Variants in AZIN1 observed in about 807,000 individuals in gnomAD.
AZIN1 encodes antizyme inhibitor 1, also known as ornithine decarboxylase antizyme inhibitor.
In AZIN1, 12 loss-of-function variants were observed where a neutral mutation model predicts 47.4. The observed-to-expected ratio is 0.25, with a 90% CI of 0.16 to 0.41. The LOEUF (loss-of-function observed/expected upper bound fraction) is 0.41, where lower values mean the gene tolerates loss of function less well. Ranked by LOEUF, AZIN1 falls within the 10% of genes least tolerant of loss-of-function variation. The probability of loss-of-function intolerance (pLI) is 1.00; values close to 1 mark genes in which losing one functional copy is unlikely to be tolerated. For missense variants in AZIN1, 410 were observed against 532.4 expected, an observed-to-expected ratio of 0.77 and a Z score of 2.26; for synonymous variants, 155 against 176.3, an observed-to-expected ratio of 0.88 and a Z score of 0.96.
At position 102,827,288 on chromosome 8, in the gene AZIN1, T is replaced by C. The variant is rs1811167434; in HGVS notation, c.*1279A>G. 6.6e-6 allele frequency: 1 copy of C among 152,268 alleles called. No individual in the cohort carries two copies. Among genetic ancestry groups the C allele is most frequent in the African/African-American group, 2.4e-5 (1 of 41,434 alleles). The allele number at this position is 152,268 out of a possible 1,614,324, so 9.4% of individuals were successfully genotyped here. A position where few individuals can be genotyped will look rare whatever the true frequency, so the allele number is the denominator to read the frequency against. On this transcript the variant is annotated 3_prime_UTR_variant, in exon 12 of 12. Transcript: ENST00000337198. Reference sequence around the variant, plus strand: ...ACTAGCAGTAAACAAAGCAAATTCCTGGCAACAACTGTCAGGTTAGTGATG... The same window carrying C: ...ACTAGCAGTAAACAAAGCAAATTCCCGGCAACAACTGTCAGGTTAGTGATG...
chr8:102,846,264 C>T (rs1812563108), intron 2 of AZIN1, among the ~76,000 whole-genome samples: 1 of 152,184 alleles, frequency 6.6e-6, no homozygotes, highest in African/African-American at 2.4e-5. Context: ...ATCAGGCCCA[C>T]TGGATCAAGT....
intron 2 of AZIN1, chr8:102,854,567 A>G (rs1277306012): frequency 1.4e-5 from 2 of 145,850 alleles, no homozygotes; most frequent in East Asian, 4.1e-4. Context: ...ACTGCACTCC[A>G]GCCTGGGCGA....
chr8:102,844,650 T>A (rs930296579), intron 2 of AZIN1, among the ~76,000 whole-genome samples: 49 of 148,284 alleles, frequency 3.3e-4, no homozygotes, highest in Non-Finnish European at 5.1e-4. Flanking sequence ...AAAAAAAAAA[T>A]CATAGAGCAT....
intron 9 of AZIN1, among the ~76,000 whole-genome samples, chr8:102,832,295 T>C (rs969918803): frequency 6.6e-6 from 1 of 152,054 alleles, no homozygotes; most frequent in Admixed American, 6.6e-5. Flanking sequence ...AACTTTCCTA[T>C]GGGCTGTGGA....
At position 102,856,418 on chromosome 8, in the gene AZIN1, C is replaced by A. The variant is rs141248061; in HGVS notation, c.-96+1595G>T. ...CCTCCTACCCACAAAGAGGGAGACACTATAGACTTTCTGAATCCTACATTA... is the reference window on the plus strand; with the variant it reads ...CCTCCTACCCACAAAGAGGGAGACAATATAGACTTTCTGAATCCTACATTA... On this transcript the variant is annotated intron_variant, in intron 2 of 11. Coordinates refer to ENST00000337198, the MANE Select transcript of AZIN1 (RefSeq NM_148174.4). 1.7e-3 allele frequency among the ~76,000 whole-genome samples: 252 copies of A among 152,304 alleles called. 1 individual carries two copies. Among genetic ancestry groups the A allele is most frequent in the African/African-American group, 5.8e-3 (242 of 41,586 alleles).
At chr8:102,852,940 G>A (rs546120403) in intron 2 of AZIN1, among the ~76,000 whole-genome samples, 10 of 152,202 alleles carry the variant, frequency 6.6e-5, no homozygotes, top group Non-Finnish European at 1.3e-4. Flanking sequence ...ACAATGGCCA[G>A]TTTAGAACAG....
chr8:102,836,880 A>G (rs1422592890), intron 5 of AZIN1, among the ~76,000 whole-genome samples: 1 of 152,222 alleles, frequency 6.6e-6, no homozygotes, highest in Non-Finnish European at 1.5e-5. Context: ...CTAACTGGAA[A>G]AAAATAGGAA....
chr8:102,838,680 C>T (rs1388707595), intron 5 of AZIN1, 64 bp downstream of exon 5: 4 of 1,387,406 alleles, frequency 2.9e-6, no homozygotes, highest in African/African-American at 2.9e-5. Context: ...TCTTCCCAGA[C>T]AAAAGACAAA....
intron 6 of AZIN1, 165 bp from the exon 7 acceptor site, chr8:102,834,912 T>TA (rs1811720461): frequency 1.8e-6 from 1 of 561,628 alleles, no homozygotes; most frequent in African/African-American, 1.9e-5. Flanking sequence ...ACCCAAAAGT[T>TA]ACAGTACCAG....
intron 2 of AZIN1, among the ~76,000 whole-genome samples, chr8:102,850,883 A>G (rs1179111694): frequency 2.0e-5 from 3 of 152,244 alleles, no homozygotes; most frequent in Non-Finnish European, 2.9e-5. Context: ...AAAAATCCCA[A>G]AAGTTATAAG....
intron 1 of AZIN1, among the ~76,000 whole-genome samples, chr8:102,860,554 C>T (rs1345757591): frequency 6.6e-6 from 1 of 152,062 alleles, no homozygotes; most frequent in African/African-American, 2.4e-5. Context: ...TGAGCCACCA[C>T]GCCTGGCCTA....
At chr8:102,855,124 G>A (rs1008830161) in intron 2 of AZIN1, among the ~76,000 whole-genome samples, 4 of 152,038 alleles carry the variant, frequency 2.6e-5, no homozygotes, top group African/African-American at 4.8e-5. Flanking sequence ...GCACGATCTC[G>A]GCTCACTGCA....
At position 102,843,660 on chromosome 8, in the gene AZIN1, G is replaced by T; in HGVS notation, c.-8C>A. ...ATCAATAAATCCTTTCATCTCAGCC[G>T]TATTCCACAAAGCCGAAAGTCATAA... On this transcript the variant is annotated 5_prime_UTR_variant, in exon 3 of 12. It introduces an in-frame stop codon into an upstream open reading frame of the 5' UTR. Coordinates refer to ENST00000337198, the MANE Select transcript of AZIN1 (RefSeq NM_148174.4). The T allele has an allele frequency of 6.2e-7, 1 of 1,613,394 alleles. No homozygotes were observed. The highest frequency in any genetic ancestry group is 8.5e-7 in the Non-Finnish European group (1 of 1,179,662).
intron 2 of AZIN1, among the ~76,000 whole-genome samples, chr8:102,845,228 A>G (rs1482975819): frequency 6.6e-6 from 1 of 152,056 alleles, no homozygotes; most frequent in Non-Finnish European, 1.5e-5. Context: ...ATGGTTCTTA[A>G]AAGTGTCAGC....
intron 2 of AZIN1, among the ~76,000 whole-genome samples, chr8:102,846,191 CAT>C (rs10564819): frequency 0.014 from 2,072 of 152,220 alleles, 42 homozygotes; most frequent in Middle Eastern, 0.041. Flanking sequence ...TTCCTACAAC[CAT>C]AGTGTTCTTA....
intron 9 of AZIN1, 49 bp downstream of exon 9, chr8:102,833,007 A>C: frequency 6.7e-7 from 1 of 1,486,906 alleles, no homozygotes; most frequent in Non-Finnish European, 9.3e-7. Context: ...TTCCAGACTA[A>C]CTGCAATTAT....
rs1228407486 is a variant in AZIN1 at position 102,828,406 on chromosome 8, A to G, written c.*161T>C. On this transcript the variant is annotated 3_prime_UTR_variant, in exon 12 of 12. Coordinates refer to ENST00000337198, the MANE Select transcript of AZIN1 (RefSeq NM_148174.4). ...TCCCATTATCCCCAATGAATTATAGATGAAAGCTGATTTTGTCTGGTCCCA... is the reference window on the plus strand; with the variant it reads ...TCCCATTATCCCCAATGAATTATAGGTGAAAGCTGATTTTGTCTGGTCCCA... 2 of 496,502 alleles carry G rather than the reference A, an allele frequency of 4.0e-6. No homozygotes were observed. The highest frequency in any genetic ancestry group is 7.2e-6 in the Non-Finnish European group (2 of 276,158). 30.8% of individuals were successfully genotyped at this position (496,502 alleles called of 1,614,324 possible).
chr8:102,859,581 A>G (rs1403956049), intron 1 of AZIN1, among the ~76,000 whole-genome samples: 2 of 152,198 alleles, frequency 1.3e-5, no homozygotes, highest in Non-Finnish European at 2.9e-5. Flanking sequence ...TACAAAAAAT[A>G]GGGCTAGGCG....
intron 9 of AZIN1, among the ~76,000 whole-genome samples, chr8:102,832,302 T>C (rs982201401): frequency 6.6e-6 from 1 of 152,042 alleles, no homozygotes; most frequent in African/African-American, 2.4e-5. Flanking sequence ...CTATGGGCTG[T>C]GGATTAGTCC....
Sources: gnomAD v4.1 joint callset for allele counts (sites outside exome capture counted in the v4.1 genomes callset) on GRCh38, gnomAD v4.1.1 for gene constraint, MANE v1.5 for transcripts, NCBI Gene and HGNC (gene_info 2026-07-23, HGNC 2026-07-21) for gene names.